The following ARHGAP25 variants were observed in gnomAD, a reference collection of about 807,000 sequenced individuals.
ARHGAP25 encodes Rho GTPase activating protein 25, also known as rho GTPase-activating protein 25.
A neutral mutation model predicts 71.0 loss-of-function variants in ARHGAP25; 34 were observed. The ratio of observed to expected loss-of-function variants is 0.48; its 90% CI spans 0.36 to 0.64. The LOEUF (loss-of-function observed/expected upper bound fraction) is 0.64, where lower values mean the gene tolerates loss of function less well. Ranked by LOEUF, ARHGAP25 falls within the 30% of genes least tolerant of loss-of-function variation. The pLI, the probability that ARHGAP25 is intolerant of heterozygous loss-of-function variation, is 0.00. For missense variants in ARHGAP25, 706 were observed against 805.1 expected, an observed-to-expected ratio of 0.88 and a Z score of 1.49; for synonymous variants, 282 against 296.5, an observed-to-expected ratio of 0.95 and a Z score of 0.50.
chr2:68,728,302 A>G (rs1187691511), intron 2 of ARHGAP25, among the ~76,000 whole-genome samples: 1 of 152,208 alleles, frequency 6.6e-6, no homozygotes, highest in Non-Finnish European at 1.5e-5. Context: ...CATCCACTAG[A>G]ATGGCTAAAA....
chr2:68,782,759 C>T (rs1257346454), intron 3 of ARHGAP25, among the ~76,000 whole-genome samples: 2 of 152,222 alleles, frequency 1.3e-5, no homozygotes, highest in Non-Finnish European at 2.9e-5. Flanking sequence ...ATTCAGCAGC[C>T]TCAGATGGTT....
At chr2:68,784,224 A>G (rs548301156) in intron 3 of ARHGAP25, among the ~76,000 whole-genome samples, 1 of 152,144 alleles carries the variant, frequency 6.6e-6, no homozygotes, top group Admixed American at 6.5e-5. Flanking sequence ...TCTCATAAGG[A>G]CAAATAATAC....
intron 1 of ARHGAP25, among the ~76,000 whole-genome samples, chr2:68,750,343 A>G (rs1201888244): frequency 2.8e-5 from 4 of 141,838 alleles, no homozygotes; most frequent in African/African-American, 7.9e-5. Context: ...TTTTTTTGAG[A>G]TAGAGTTTTA....
intron 6 of ARHGAP25, among the ~76,000 whole-genome samples, chr2:68,815,403 T>C (rs1313139668): frequency 7.9e-6 from 1 of 126,048 alleles, no homozygotes; most frequent in Non-Finnish European, 1.7e-5. Flanking sequence ...TGCTCAGGTT[T>C]GAGGAGTGCC....
At position 68,821,071 on chromosome 2, in the gene ARHGAP25, T is replaced by C. The variant is rs1241921066; in HGVS notation, c.1201-1269T>C. On this transcript the variant is annotated intron_variant, in intron 9 of 10. Coordinates refer to ENST00000409202, the MANE Select transcript of ARHGAP25 (RefSeq NM_001007231.3). ...GTCCCTATAGATGAACACACTGCCT[T>C]CAGTTCTTTTCTTTTTCTTTCTTTT... Among the ~76,000 whole-genome samples the C allele has an allele frequency of 2.0e-5, 3 of 151,020 alleles. No individual in the cohort carries two copies. The East Asian group carries it at 5.8e-4, about 29-fold the overall frequency.
chr2:68,752,819 C>T (rs533900270), intron 1 of ARHGAP25, among the ~76,000 whole-genome samples: 23 of 152,156 alleles, frequency 1.5e-4, no homozygotes, highest in Non-Finnish European at 2.1e-4. Context: ...AAATAATATA[C>T]TATGCTTTAA....
rs575374718 is a variant in ARHGAP25, at chr2:68,775,066, G to C, written c.62-155G>C. 9.8e-5 allele frequency: 151 copies of C among 1,534,190 alleles called. No homozygotes were observed. In the African/African-American group the frequency reaches 1.7e-3, roughly 17 times the overall value. ...TCGGCTGCTTCTCTGGCTCGGGGGG[G>C]ACTTTCTCTGGCTCAGATCCGGACC... On this transcript the variant is annotated intron_variant, in intron 1 of 10. Coordinates refer to ENST00000409202, the MANE Select transcript of ARHGAP25 (RefSeq NM_001007231.3).
chr2:68,745,754 C>T (rs753507195), intron 1 of ARHGAP25, among the ~76,000 whole-genome samples: 4 of 152,172 alleles, frequency 2.6e-5, no homozygotes, highest in Admixed American at 2.0e-4. Context: ...ATAATTTATA[C>T]AGAACAGACA....
intron 4 of ARHGAP25, among the ~76,000 whole-genome samples, chr2:68,796,019 CT>C (rs1280206194): frequency 1.3e-5 from 2 of 152,054 alleles, no homozygotes; most frequent in African/African-American, 4.8e-5. Flanking sequence ...TTGTTCATTC[CT>C]TTTTATTCTT....
upstream of ARHGAP25, among the ~76,000 whole-genome samples, chr2:68,732,336 TTAA>T (rs1675043013): frequency 6.6e-6 from 1 of 152,234 alleles, no homozygotes; most frequent in Non-Finnish European, 1.5e-5. Flanking sequence ...TGCGTGTTTC[TTAA>T]TGACACCTTC....
chr2:68,822,640 T>G lies in ARHGAP25; in HGVS notation c.1501T>G (p.Ser501Ala). Residue 501 changes from serine to alanine, a missense_variant, in exon 10 of 11, where the codon TCC becomes GCC. By Grantham distance (99) the Ser-to-Ala change is moderately conservative. Transcript: ENST00000409202. ...CCAACTTTCTGACTCCCAACGGACT[T>G]CCACCTACGATAACGTCCCTTCCCT... ...LRQLSDSQRT[S>A]TYDNVPSLPG... The G allele has an allele frequency of 1.9e-6, 3 of 1,614,080 alleles. No individual in the cohort carries two copies. Among genetic ancestry groups the G allele is most frequent in the Non-Finnish European group, 8.5e-7 (1 of 1,180,016 alleles).
intron 5 of ARHGAP25, 112 bp downstream of exon 5, chr2:68,807,592 G>A: frequency 9.2e-7 from 1 of 1,089,640 alleles, no homozygotes; most frequent in Non-Finnish European, 1.3e-6. Flanking sequence ...ACTTCTAAGA[G>A]CCCTGGCTTA....
At chr2:68,720,329 AAAAAG>A (rs1553391459) in intron 2 of ARHGAP25, among the ~76,000 whole-genome samples, 257 of 149,480 alleles carry the variant, frequency 1.7e-3, no homozygotes, top group African/African-American at 5.6e-3. Context: ...AAAAAAAAAA[AAAAAG>A]AAAAGAAAAG....
chr2:68,749,997 G>T (rs910702542), intron 1 of ARHGAP25, among the ~76,000 whole-genome samples: 2 of 152,020 alleles, frequency 1.3e-5, no homozygotes, highest in African/African-American at 4.8e-5. Flanking sequence ...TGAGTAACCT[G>T]GCCCTTTTTT....
At chr2:68,812,335 G>A (rs1000685165) in intron 5 of ARHGAP25, among the ~76,000 whole-genome samples, 3 of 152,142 alleles carry the variant, frequency 2.0e-5, no homozygotes, top group African/African-American at 7.2e-5. Context: ...ACAAATAGAG[G>A]CAGTGGGACA....
chr2:68,717,443 A>C (rs1674641262), intron 2 of ARHGAP25, among the ~76,000 whole-genome samples: 1 of 152,170 alleles, frequency 6.6e-6, no homozygotes, highest in Non-Finnish European at 1.5e-5. Context: ...GAACTGAGTC[A>C]ATTCAATCTT....
At chr2:68,764,890 A>G (rs960558806) in intron 1 of ARHGAP25, among the ~76,000 whole-genome samples, 3 of 152,214 alleles carry the variant, frequency 2.0e-5, no homozygotes, top group African/African-American at 7.2e-5. Context: ...AATGGCATGC[A>G]GATAGAATCC....
Position 68,756,973 on chromosome 2 carries a change from TAAGA to T in ARHGAP25, c.62-18241_62-18238del, listed in dbSNP as rs1408652763. Among the ~76,000 whole-genome samples the T allele has an allele frequency of 7.9e-5, 12 of 151,774 alleles. No homozygotes were observed. The East Asian group carries it at 2.3e-3, about 29-fold the overall frequency. Reference sequence around the variant, plus strand: ...AATATCAAAAAAGAGATAGAAAACATAAGAAAGAAACTAAAAAGAAATGCGGGAG... The same window carrying T: ...AATATCAAAAAAGAGATAGAAAACATAAGAAACTAAAAAGAAATGCGGGAG... On this transcript the variant is annotated intron_variant, in intron 1 of 10. Coordinates refer to ENST00000409202, the MANE Select transcript of ARHGAP25 (RefSeq NM_001007231.3).
chr2:68,719,167 A>T (rs1025218973), intron 2 of ARHGAP25, among the ~76,000 whole-genome samples: 2 of 152,130 alleles, frequency 1.3e-5, no homozygotes, highest in Non-Finnish European at 2.9e-5. Flanking sequence ...GGCAAACACA[A>T]TAAGTGTCTC....
Sources: gnomAD v4.1 joint callset for allele counts (sites outside exome capture counted in the v4.1 genomes callset) on GRCh38, gnomAD v4.1.1 for gene constraint, MANE v1.5 for transcripts, NCBI Gene and HGNC (gene_info 2026-07-23, HGNC 2026-07-21) for gene names.